Variants in PROX1 observed in about 807,000 individuals in gnomAD.
PROX1 encodes the protein prospero homeobox protein 1.
A neutral mutation model predicts 58.8 loss-of-function variants in PROX1; 7 were observed. The observed-to-expected ratio is 0.12, with a 90% confidence interval of 0.07 to 0.22. PROX1 has a LOEUF of 0.22. Ranked by LOEUF, PROX1 falls within the 10% of genes least tolerant of loss-of-function variation. The probability of loss-of-function intolerance (pLI) is 1.00; values close to 1 mark genes in which losing one functional copy is unlikely to be tolerated. For synonymous variants in PROX1, 350 were observed against 358.3 expected (o/e 0.98, Z 0.26); for missense variants, 675 against 927.8 (o/e 0.73, Z 3.54).
chr1:214,010,326 C>T (rs1663864201), intron 3 of PROX1, among the ~76,000 whole-genome samples: 1 of 152,214 alleles, frequency 6.6e-6, no homozygotes, highest in Admixed American at 6.5e-5. Context: ...CTTCCATTCT[C>T]TGCCATAAAT....
At chr1:214,018,276 C>A (rs1664163620) in intron 4 of PROX1, among the ~76,000 whole-genome samples, 1 of 152,220 alleles carries the variant, frequency 6.6e-6, no homozygotes, top group Non-Finnish European at 1.5e-5. Context: ...TATTCACTCA[C>A]TGCTCTTAAA....
chr1:214,013,934 A>G (rs1664006202), intron 4 of PROX1, among the ~76,000 whole-genome samples: 1 of 152,212 alleles, frequency 6.6e-6, no homozygotes, highest in Admixed American at 6.5e-5. Flanking sequence ...AAGCAGGACC[A>G]TGCAGTGTGT....
At chr1:214,003,679 A>G (rs1369715782) in intron 2 of PROX1, among the ~76,000 whole-genome samples, 1 of 152,222 alleles carries the variant, frequency 6.6e-6, no homozygotes, top group Non-Finnish European at 1.5e-5. Flanking sequence ...TAACTTTTCT[A>G]TTTACAGACC....
intron 4 of PROX1, 31 bp downstream of exon 4, chr1:214,011,746 TC>T (rs1396935167): frequency 2.0e-6 from 3 of 1,510,200 alleles, no homozygotes; most frequent in Middle Eastern, 1.8e-4. Context: ...TTTGGTCATC[TC>T]CCTTTTCCTT....
chr1:214,007,169 A>C (rs903388083), intron 3 of PROX1, among the ~76,000 whole-genome samples: 4 of 152,238 alleles, frequency 2.6e-5, no homozygotes, highest in African/African-American at 4.8e-5. Context: ...ATTCCTCTAG[A>C]ATGCCCCTAG....
At chr1:213,989,009 G>A (rs962768825) in intron 1 of PROX1, among the ~76,000 whole-genome samples, 4 of 152,144 alleles carry the variant, frequency 2.6e-5, no homozygotes, top group Non-Finnish European at 4.4e-5. Flanking sequence ...AAACTCCGGG[G>A]CCGGTCCCCT....
chr1:214,035,549 GC>G, intron 4 of PROX1, 99 bp from the exon 5 acceptor site: 1 of 1,213,312 alleles, frequency 8.2e-7, no homozygotes, highest in South Asian at 1.7e-5. Flanking sequence ...TGCCATGTAA[GC>G]CCCTTTCTGC....
Position 214,039,749 on chromosome 1 carries a change from T to C in PROX1, c.*3915T>C, listed in dbSNP as rs1664947671. ...TATGAAATTTCTTTTTCTATGTACA[T>C]GAAGACATTTAGTAAGTAACACCCC... is the stretch of plus-strand genomic sequence containing the variant. On this transcript the variant is annotated 3_prime_UTR_variant, in exon 5 of 5. Coordinates refer to ENST00000366958, the MANE Select transcript of PROX1 (RefSeq NM_001270616.2). 6.6e-6 allele frequency: 1 copy of C among 152,036 alleles called. No individual in the cohort carries two copies. Among genetic ancestry groups the C allele is most frequent in the Admixed American group, 6.6e-5 (1 of 15,250 alleles). 9.4% of individuals were successfully genotyped at this position (152,036 alleles called of 1,614,324 possible).
upstream of PROX1, chr1:213,986,216 C>G (rs1426497235): frequency 6.6e-6 from 1 of 151,382 alleles, no homozygotes; most frequent in Non-Finnish European, 1.5e-5. Flanking sequence ...GGTGCGTGTG[C>G]GCTCCTCTGT....
chr1:213,985,192 C>G (rs1662794749), upstream of PROX1: 1 of 152,232 alleles, frequency 6.6e-6, no homozygotes, highest in South Asian at 2.1e-4. Flanking sequence ...TAACCCTAGG[C>G]TTGGCGGCTG....
At position 213,997,030 on chromosome 1, in the gene PROX1, G is replaced by A. The variant is rs372599303; in HGVS notation, c.495G>A (p.Lys165=). ...DRLCDEHLRA[K]RARVENIIRG... Reference sequence around the variant, plus strand: ...TATGTGATGAGCACCTGAGAGCAAAGCGCGCCCGGGTTGAGAATATAATTC... The same window carrying A: ...TATGTGATGAGCACCTGAGAGCAAAACGCGCCCGGGTTGAGAATATAATTC... Residue 165 remains lysine (K), a synonymous_variant, in exon 2 of 5, where the codon AAG becomes AAA. Coordinates refer to ENST00000366958, the MANE Select transcript of PROX1 (RefSeq NM_001270616.2). The surrounding 1 kb of genome is among the most constrained non-coding windows in gnomAD (Gnocchi z 7.1). 7 of 1,613,930 alleles carry A rather than the reference G, an allele frequency of 4.3e-6. No homozygotes were observed. In the African/African-American group the frequency reaches 8.0e-5, roughly 18 times the overall value.
chr1:214,013,566 C>T (rs368264923), intron 4 of PROX1, among the ~76,000 whole-genome samples: 816 of 5,750 alleles, frequency 0.14, 9 homozygotes, highest in African/African-American at 0.15. Context: ...AAAGTGCGCA[C>T]GAGGGTTTTC....
At position 214,035,953 on chromosome 1, in the gene PROX1, G is replaced by A. The variant is rs551790764; in HGVS notation, c.*119G>A. The A allele has an allele frequency of 3.8e-6, 3 of 793,474 alleles. No homozygotes were observed. Among genetic ancestry groups the A allele is most frequent in the South Asian group, 7.4e-5 (2 of 26,850 alleles). The allele number at this position is 793,474 out of a possible 1,614,324, so 49.2% of individuals were successfully genotyped here. A position where few individuals can be genotyped will look rare whatever the true frequency, so the allele number is the denominator to read the frequency against. The stretch of plus-strand genomic sequence containing the variant: ...TGTATGGGAGGCATGGATATGTTAT[G>A]AAATCAGCTGGTAATTCCTCCTCAT... On this transcript the variant is annotated 3_prime_UTR_variant, in exon 5 of 5. Transcript: ENST00000366958.
intron 3 of PROX1, among the ~76,000 whole-genome samples, chr1:214,010,271 C>T (rs370730873): frequency 6.6e-6 from 1 of 152,068 alleles, no homozygotes; most frequent in African/African-American, 2.4e-5. Flanking sequence ...TGCAAGTTGG[C>T]CTTTTGGGAG....
At chr1:213,989,181 G>A (rs1017749278) in intron 1 of PROX1, among the ~76,000 whole-genome samples, 2 of 151,964 alleles carry the variant, frequency 1.3e-5, no homozygotes, top group Non-Finnish European at 2.9e-5. Flanking sequence ...TGTTACTTTC[G>A]TCTCAAAACG....
At chr1:214,023,516 C>T (rs1664354427) in intron 4 of PROX1, among the ~76,000 whole-genome samples, 1 of 152,208 alleles carries the variant, frequency 6.6e-6, no homozygotes, top group Non-Finnish European at 1.5e-5. Flanking sequence ...ATCACTATGC[C>T]CAGCCAGAAT....
chr1:214,033,034 G>A (rs557024562), intron 4 of PROX1, among the ~76,000 whole-genome samples: 103 of 152,210 alleles, frequency 6.8e-4, no homozygotes, highest in Non-Finnish European at 1.2e-3. Context: ...TGATGTTCTA[G>A]ATGTACCTCT....
intron 4 of PROX1, among the ~76,000 whole-genome samples, chr1:214,033,708 C>A (rs1446846410): frequency 1.3e-5 from 2 of 152,224 alleles, no homozygotes; most frequent in Non-Finnish European, 2.9e-5. Context: ...GTTCTCCAGC[C>A]ACATTCCCTC....
At chr1:214,015,050 C>T (rs1391341201) in intron 4 of PROX1, among the ~76,000 whole-genome samples, 1 of 152,154 alleles carries the variant, frequency 6.6e-6, no homozygotes, top group African/African-American at 2.4e-5. Context: ...TTCTAAGTGG[C>T]AGTAGAGCTT....
Sources: gnomAD v4.1 joint callset for allele counts (sites outside exome capture counted in the v4.1 genomes callset) on GRCh38, gnomAD v4.1.1 for gene constraint, Gnocchi (gnomAD v3.1) non-coding constraint, MANE v1.5 for transcripts, NCBI Gene and HGNC (gene_info 2026-07-23, HGNC 2026-07-21) for gene names.